Variants in MAP4K3 observed in about 807,000 individuals in gnomAD.
The protein encoded by MAP4K3 is mitogen-activated protein kinase kinase kinase kinase 3.
In MAP4K3, 94 loss-of-function variants were observed where a neutral mutation model predicts 143.5. The observed-to-expected ratio is 0.65, with a 90% CI of 0.55 to 0.78. MAP4K3 has a LOEUF of 0.78. Among genes scored for constraint, MAP4K3 ranks in the 30% least tolerant of loss-of-function variants. The probability of loss-of-function intolerance (pLI) is 0.00; values close to 1 mark genes in which losing one functional copy is unlikely to be tolerated. For missense variants in MAP4K3, 1,077 were observed against 1,068.1 expected (o/e 1.01, Z -0.12); for synonymous variants, 416 against 347.2 (o/e 1.20, Z -2.20).
chr2:39,433,898 A>G (rs1422291623), intron 1 of MAP4K3, among the ~76,000 whole-genome samples: 2 of 152,372 alleles, frequency 1.3e-5, no homozygotes, highest in South Asian at 2.1e-4. Context: ...TCATTTAGTC[A>G]ATACCAAAAG....
intron 3 of MAP4K3, among the ~76,000 whole-genome samples, chr2:39,349,568 G>A (rs1450689554): frequency 6.6e-6 from 1 of 152,060 alleles, no homozygotes; most frequent in Non-Finnish European, 1.5e-5. Flanking sequence ...AATTAGCAAG[G>A]CCACTGGTAT....
intron 1 of MAP4K3, among the ~76,000 whole-genome samples, chr2:39,400,725 C>G (rs1201635583): frequency 5.3e-5 from 8 of 151,902 alleles, no homozygotes; most frequent in Non-Finnish European, 8.8e-5. Context: ...TGTTTTTCAT[C>G]AAAATAGATA....
At chr2:39,391,549 A>C (rs1318616931) in intron 1 of MAP4K3, among the ~76,000 whole-genome samples, 1 of 152,094 alleles carries the variant, frequency 6.6e-6, no homozygotes, top group Non-Finnish European at 1.5e-5. Flanking sequence ...TCCCCAATTT[A>C]ATAGAAAATT....
At chr2:39,359,573 C>A (rs1192660529) in intron 2 of MAP4K3, among the ~76,000 whole-genome samples, 1 of 152,262 alleles carries the variant, frequency 6.6e-6, no homozygotes, top group African/African-American at 2.4e-5. Flanking sequence ...GGGGCTCCAA[C>A]CCCATGTTTC....
At position 39,377,099 on chromosome 2, in the gene MAP4K3, T is replaced by C. The variant is rs144350566; in HGVS notation, c.154+967A>G. ...TTTAATATCACTTCTAAAAAGTTTA[T>C]TGATGCTCTAAATAAGGGGTGAGCA... is the stretch of plus-strand genomic sequence containing the variant. On this transcript the variant is annotated intron_variant, in intron 2 of 33. Transcript: ENST00000263881. Among the ~76,000 whole-genome samples, 278 of 151,808 alleles carry C rather than the reference T, an allele frequency of 1.8e-3. 2 individuals carry two copies. The highest frequency in any genetic ancestry group is 6.5e-3 in the African/African-American group (269 of 41,514).
At chr2:39,366,533 C>T (rs571916290) in intron 2 of MAP4K3, among the ~76,000 whole-genome samples, 2 of 152,310 alleles carry the variant, frequency 1.3e-5, no homozygotes, top group South Asian at 4.1e-4. Flanking sequence ...TACCAGTCAG[C>T]TTTCCCTGAA....
chr2:39,292,283 C>G (rs1432011871), intron 18 of MAP4K3, among the ~76,000 whole-genome samples: 1 of 152,148 alleles, frequency 6.6e-6, no homozygotes, highest in African/African-American at 2.4e-5. Context: ...ATAAAATTCA[C>G]ATGTTGAAGT....
chr2:39,376,057 G>A (rs1393252256), intron 2 of MAP4K3, among the ~76,000 whole-genome samples: 3 of 152,070 alleles, frequency 2.0e-5, no homozygotes, highest in East Asian at 1.9e-4. Flanking sequence ...TCATTGTGTC[G>A]GCAGATATGC....
chr2:39,414,888 A>G (rs1171311109), intron 1 of MAP4K3, among the ~76,000 whole-genome samples: 1 of 152,156 alleles, frequency 6.6e-6, no homozygotes, highest in Non-Finnish European at 1.5e-5. Flanking sequence ...AAAAAAAAAA[A>G]GAGTATGTAC....
At chr2:39,292,980 G>C (rs1266178069) in intron 17 of MAP4K3, among the ~76,000 whole-genome samples, 154 bp from the exon 18 acceptor site, 2 of 152,182 alleles carry the variant, frequency 1.3e-5, no homozygotes, top group African/African-American at 4.8e-5. Flanking sequence ...ACAAGGAACT[G>C]GGAGCGGTGG....
At chr2:39,256,821 T>C (rs1680359354) in intron 31 of MAP4K3, among the ~76,000 whole-genome samples, 2 of 152,160 alleles carry the variant, frequency 1.3e-5, no homozygotes, top group Non-Finnish European at 2.9e-5. Flanking sequence ...AAAACCATCA[T>C]GCCTGATTAT....
chr2:39,420,542 A>T (rs1210456868), intron 1 of MAP4K3, among the ~76,000 whole-genome samples: 3 of 151,660 alleles, frequency 2.0e-5, no homozygotes, highest in African/African-American at 7.3e-5. Flanking sequence ...TCAGCCTCCC[A>T]AGTAGCTAGG....
chr2:39,378,137 G>GA lies in MAP4K3; in HGVS notation c.97-15dup. 1 of 1,513,884 alleles carries GA rather than the reference G, an allele frequency of 6.6e-7. No individual in the cohort carries two copies. The highest frequency in any genetic ancestry group is 9.0e-7 in the Non-Finnish European group (1 of 1,111,092). 93.8% of individuals were successfully genotyped at this position (1,513,884 alleles called of 1,614,324 possible). On this transcript the variant is annotated splice_polypyrimidine_tract_variant and intron_variant, in intron 1 of 33. Coordinates refer to ENST00000263881, the MANE Select transcript of MAP4K3 (RefSeq NM_003618.4). Reference sequence around the variant, plus strand: ...AACATTCCGTGCCTAAAAGAAAGAGGAAAAAAGGATTATTGTGAAGAAAGC... The same window carrying GA: ...AACATTCCGTGCCTAAAAGAAAGAGGAAAAAAAGGATTATTGTGAAGAAAGC...
chr2:39,377,915 TGAA>T (rs1215797803), intron 2 of MAP4K3, 148 bp downstream of exon 2: 15 of 613,204 alleles, frequency 2.4e-5, no homozygotes, highest in Non-Finnish European at 4.3e-5. Context: ...ATGCAGAACT[TGAA>T]GAAGTGGAGG....
intron 1 of MAP4K3, among the ~76,000 whole-genome samples, chr2:39,430,743 T>G (rs543189400): frequency 6.6e-6 from 1 of 152,206 alleles, no homozygotes; most frequent in Non-Finnish European, 1.5e-5. Flanking sequence ...ATAACAATTA[T>G]GAACATTGCT....
intron 21 of MAP4K3, among the ~76,000 whole-genome samples, chr2:39,284,388 T>C (rs1399844802): frequency 6.6e-6 from 1 of 152,092 alleles, no homozygotes; most frequent in Non-Finnish European, 1.5e-5. Context: ...TTTGAACTCC[T>C]GGCCTTAAAT....
chr2:39,309,585 T>TCTTG (rs1682868949), intron 13 of MAP4K3, 66 bp from the exon 14 acceptor site: 1 of 776,606 alleles, frequency 1.3e-6, no homozygotes, highest in Non-Finnish European at 1.9e-6. Context: ...TGAGGCAGAG[T>TCTTG]CTTGCTCTGT....
chr2:39,399,368 G>T (rs1462880571), intron 1 of MAP4K3, among the ~76,000 whole-genome samples: 1 of 152,184 alleles, frequency 6.6e-6, no homozygotes, highest in Non-Finnish European at 1.5e-5. Flanking sequence ...AAAACTGGTA[G>T]GCTTAAGGTA....
chr2:39,421,486 C>T (rs1229693890), intron 1 of MAP4K3, among the ~76,000 whole-genome samples: 1 of 150,688 alleles, frequency 6.6e-6, no homozygotes, highest in African/African-American at 2.4e-5. Context: ...GCTGGTATTC[C>T]AGAGGTGAGC....
Sources: allele counts gnomAD v4.1 joint callset (sites outside exome capture counted in the v4.1 genomes callset), GRCh38; gene constraint gnomAD v4.1.1; transcripts MANE v1.5; gene names NCBI Gene and HGNC (gene_info 2026-07-23, HGNC 2026-07-21).